Variants in SESTD1 observed in about 807,000 individuals in gnomAD.
SESTD1 encodes the protein SEC14 domain and spectrin repeat-containing protein 1.
In SESTD1, 43 loss-of-function variants were observed where a neutral mutation model predicts 101.7. The observed-to-expected ratio is 0.42, with a 90% CI of 0.33 to 0.55. SESTD1 has a LOEUF of 0.55. SESTD1 is among the 20% of genes least tolerant of loss of function. The pLI, the probability that SESTD1 is intolerant of heterozygous loss-of-function variation, is 0.07. For missense variants in SESTD1, 647 were observed against 815.1 expected (o/e 0.79, Z 2.51); for synonymous variants, 283 against 286.8 (o/e 0.99, Z 0.13).
chr2:179,179,689 G>A (rs969307229), intron 3 of SESTD1, among the ~76,000 whole-genome samples: 2 of 152,142 alleles, frequency 1.3e-5, no homozygotes, highest in Non-Finnish European at 2.9e-5. Flanking sequence ...AATATGGAGT[G>A]CCTTTAATAA....
intron 10 of SESTD1, among the ~76,000 whole-genome samples, chr2:179,130,880 T>C (rs80087732): frequency 0.027 from 4,061 of 152,070 alleles, 85 homozygotes; most frequent in Admixed American, 0.035. Flanking sequence ...ATCAAAACAT[T>C]ATTTTAAAAG....
chr2:179,230,558 T>C lies in SESTD1; in HGVS notation c.-26+33941A>G, dbSNP rs577923829. Among the ~76,000 whole-genome samples the C allele has an allele frequency of 2.6e-5, 4 of 152,072 alleles. No homozygotes were observed. In the South Asian group the frequency reaches 8.3e-4, roughly 32 times the overall value. On this transcript the variant is annotated intron_variant, in intron 1 of 17. Transcript: ENST00000428443. Reference sequence around the variant, plus strand: ...AATAAGAGAAAAGGTGAGGACTAAATTCCTGCTCAAAAATAGAGTAAAACC... The same window carrying C: ...AATAAGAGAAAAGGTGAGGACTAAACTCCTGCTCAAAAATAGAGTAAAACC...
At chr2:179,261,070 A>G (rs2047475958) in intron 1 of SESTD1, among the ~76,000 whole-genome samples, 1 of 152,210 alleles carries the variant, frequency 6.6e-6, no homozygotes. Flanking sequence ...ATTCTGAAAC[A>G]GTGGGTTCTA....
intron 5 of SESTD1, among the ~76,000 whole-genome samples, chr2:179,156,488 C>A (rs368370051): frequency 1.3e-5 from 2 of 152,098 alleles, no homozygotes; most frequent in East Asian, 3.8e-4. Flanking sequence ...GCATTCACGC[C>A]AACATCTGTT....
Position 179,112,858 on chromosome 2 carries a change from A to C in SESTD1, c.1840-13T>G. Reference sequence around the variant, plus strand: ...AGTCCTGCAAAATCTGCAACAAATAAAAGAGCAACATCAATCAAGAGACAC... The same window carrying C: ...AGTCCTGCAAAATCTGCAACAAATACAAGAGCAACATCAATCAAGAGACAC... On this transcript the variant is annotated splice_polypyrimidine_tract_variant and intron_variant, in intron 16 of 17. Transcript: ENST00000428443. The C allele has an allele frequency of 6.2e-7, 1 of 1,604,554 alleles. No homozygotes were observed. The highest frequency in any genetic ancestry group is 1.1e-5 in the South Asian group (1 of 89,544).
Position 179,109,797 on chromosome 2 carries a change from A to G in SESTD1, c.*102T>C. Reference sequence around the variant, plus strand: ...TGTGTCATGAAAAGAAATGAGACTTATTTTGGCTGTGAAATGCATCTTAAG... The same window carrying G: ...TGTGTCATGAAAAGAAATGAGACTTGTTTTGGCTGTGAAATGCATCTTAAG... On this transcript the variant is annotated 3_prime_UTR_variant, in exon 18 of 18. Coordinates refer to ENST00000428443, the MANE Select transcript of SESTD1 (RefSeq NM_178123.5). The G allele has an allele frequency of 7.0e-7, 1 of 1,424,096 alleles. No homozygotes were observed. The highest frequency in any genetic ancestry group is 9.5e-7 in the Non-Finnish European group (1 of 1,052,076). The allele number at this position is 1,424,096 out of a possible 1,614,324, so 88.2% of individuals were successfully genotyped here. A position where few individuals can be genotyped will look rare whatever the true frequency, so the allele number is the denominator to read the frequency against.
intron 12 of SESTD1, among the ~76,000 whole-genome samples, chr2:179,122,236 C>A (rs544297551): frequency 1.3e-5 from 2 of 152,086 alleles, no homozygotes; most frequent in African/African-American, 4.8e-5. Flanking sequence ...TATGAAAATT[C>A]CTATTTCTAA....
At chr2:179,211,661 A>G (rs2105517755) in intron 1 of SESTD1, among the ~76,000 whole-genome samples, 1 of 134,770 alleles carries the variant, frequency 7.4e-6, no homozygotes, top group South Asian at 2.8e-4. Flanking sequence ...ACATCATGGA[A>G]TACTACTCTT....
rs2044280142 is a variant in SESTD1 at position 179,101,712 on chromosome 2, T to C, written c.*8187A>G. 6.6e-6 allele frequency: 1 copy of C among 152,220 alleles called. No individual in the cohort carries two copies. Among genetic ancestry groups the C allele is most frequent in the Admixed American group, 6.5e-5 (1 of 15,274 alleles). 9.4% of individuals were successfully genotyped at this position (152,220 alleles called of 1,614,324 possible). On this transcript the variant is annotated 3_prime_UTR_variant, in exon 18 of 18. Transcript: ENST00000428443. ...ACTCATTCACATTTTCTCCCAATTTTATTTTGAACAAACACAATGGTAAGA... is the reference window on the plus strand; with the variant it reads ...ACTCATTCACATTTTCTCCCAATTTCATTTTGAACAAACACAATGGTAAGA...
chr2:179,161,662 A>G (rs76384518), intron 5 of SESTD1, among the ~76,000 whole-genome samples: 1 of 148,152 alleles, frequency 6.7e-6, no homozygotes, highest in Non-Finnish European at 1.5e-5. Flanking sequence ...CTCCGTCTCA[A>G]AAAAAAAAAA....
In SESTD1 at chr2:179,147,201, C is replaced by T. The variant is rs1269949466; in HGVS notation, c.582-744G>A. The stretch of plus-strand genomic sequence containing the variant: ...TGATAAAAATTTGCAAGAGGAGGGA[C>T]TCTATTATCTGGGATCTGGGGTTTA... On this transcript the variant is annotated intron_variant, in intron 7 of 17. Coordinates refer to ENST00000428443, the MANE Select transcript of SESTD1 (RefSeq NM_178123.5). 2.0e-5 allele frequency among the ~76,000 whole-genome samples: 3 copies of T among 151,026 alleles called. No individual in the cohort carries two copies. In the East Asian group the frequency reaches 5.8e-4, roughly 29 times the overall value.
chr2:179,139,260 C>A (rs187689996), intron 9 of SESTD1, among the ~76,000 whole-genome samples: 45 of 152,230 alleles, frequency 3.0e-4, no homozygotes, highest in African/African-American at 9.6e-4. Flanking sequence ...ATCACCCCTG[C>A]AATTTGTACC....
intron 1 of SESTD1, among the ~76,000 whole-genome samples, chr2:179,199,101 A>G (rs2046455674): frequency 6.6e-6 from 1 of 152,172 alleles, no homozygotes. Context: ...AAATAGACGC[A>G]ATAAAAAATG....
At chr2:179,196,597 G>T (rs2046398340) in intron 1 of SESTD1, among the ~76,000 whole-genome samples, 1 of 152,246 alleles carries the variant, frequency 6.6e-6, no homozygotes, top group Admixed American at 6.5e-5. Flanking sequence ...CTCCCAGCAT[G>T]CAGCTAGAGA....
At chr2:179,141,975 C>G (rs1300224888) in intron 9 of SESTD1, among the ~76,000 whole-genome samples, 2 of 152,166 alleles carry the variant, frequency 1.3e-5, no homozygotes, top group African/African-American at 4.8e-5. Context: ...GCCTGAAATT[C>G]AACATCTTCC....
intron 1 of SESTD1, among the ~76,000 whole-genome samples, chr2:179,212,881 C>A (rs1316130744): frequency 7.4e-6 from 1 of 134,774 alleles, no homozygotes; most frequent in African/African-American, 2.9e-5. Context: ...CCAGCAAACT[C>A]CAACAGACCT....
At chr2:179,195,713 A>G (rs953772088) in intron 1 of SESTD1, among the ~76,000 whole-genome samples, 1 of 152,196 alleles carries the variant, frequency 6.6e-6, no homozygotes, top group African/African-American at 2.4e-5. Context: ...CTTCCCAACA[A>G]AAGGAAAATA....
At chr2:179,114,992 T>G in intron 16 of SESTD1, 73 bp downstream of exon 16, 1 of 1,252,944 alleles carries the variant, frequency 8.0e-7, no homozygotes, top group Admixed American at 2.3e-5. Flanking sequence ...ATAGTTACAT[T>G]ACTAAAATTA....
At chr2:179,146,342 T>C (rs2045394669) in intron 8 of SESTD1, 60 bp downstream of exon 8, 2 of 1,426,586 alleles carry the variant, frequency 1.4e-6, no homozygotes, top group Non-Finnish European at 2.0e-6. Flanking sequence ...GTTTATTTAA[T>C]GAACGAATCA....
Sources: gnomAD v4.1 joint callset for allele counts (sites outside exome capture counted in the v4.1 genomes callset) on GRCh38, gnomAD v4.1.1 for gene constraint, MANE v1.5 for transcripts, NCBI Gene and HGNC (gene_info 2026-07-23, HGNC 2026-07-21) for gene names.